The following CDYL2 variants were observed in gnomAD, a reference collection of about 807,000 sequenced individuals.
The protein encoded by CDYL2 is chromodomain Y-like protein 2.
In CDYL2, 23 loss-of-function variants were observed where a neutral mutation model predicts 49.4. The observed-to-expected ratio is 0.47, with a 90% confidence interval of 0.34 to 0.66. The LOEUF (loss-of-function observed/expected upper bound fraction) is 0.66, where lower values mean the gene tolerates loss of function less well. Among genes scored for constraint, CDYL2 ranks in the 30% least tolerant of loss-of-function variants. CDYL2 has a pLI of 0.01. For synonymous variants in CDYL2, 360 were observed against 268.8 expected, an observed-to-expected ratio of 1.34 and a Z score of -3.32; for missense variants, 678 against 656.4, an observed-to-expected ratio of 1.03 and a Z score of -0.36.
intron 2 of CDYL2, among the ~76,000 whole-genome samples, chr16:80,661,007 C>T (rs1909020872): frequency 6.6e-6 from 1 of 152,056 alleles, no homozygotes; most frequent in African/African-American, 2.4e-5. Context: ...GGGGTGAGGC[C>T]ACAGAGCCTG....
intron 2 of CDYL2, among the ~76,000 whole-genome samples, chr16:80,662,407 G>C (rs1293509538): frequency 6.6e-6 from 1 of 152,150 alleles, no homozygotes; most frequent in Non-Finnish European, 1.5e-5. Flanking sequence ...CCTACTTTTT[G>C]ATGGAGCTCC....
chr16:80,632,730 G>A, intron 3 of CDYL2: 1 of 375,112 alleles, frequency 2.7e-6, no homozygotes, highest in Non-Finnish European at 5.0e-6. Context: ...GTGATGTTTG[G>A]ATTCTGGGTC....
intron 1 of CDYL2, among the ~76,000 whole-genome samples, chr16:80,772,570 A>G (rs1025503083): frequency 3.3e-5 from 5 of 152,138 alleles, no homozygotes; most frequent in Non-Finnish European, 7.4e-5. Context: ...CTCCTGCCTC[A>G]GCCTCCCAAG....
chr16:80,732,654 T>C (rs1280521261), intron 1 of CDYL2, among the ~76,000 whole-genome samples: 1 of 152,134 alleles, frequency 6.6e-6, no homozygotes, highest in African/African-American at 2.4e-5. Context: ...GAATACAATT[T>C]TAAAATACCT....
chr16:80,705,637 A>G (rs1318373245), intron 1 of CDYL2, among the ~76,000 whole-genome samples: 1 of 152,294 alleles, frequency 6.6e-6, no homozygotes, highest in Non-Finnish European at 1.5e-5. Flanking sequence ...GCATTATTAT[A>G]AACCAATGGT....
intron 1 of CDYL2, among the ~76,000 whole-genome samples, chr16:80,710,285 G>A (rs1266907937): frequency 6.6e-6 from 1 of 152,126 alleles, no homozygotes; most frequent in Non-Finnish European, 1.5e-5. Flanking sequence ...ACTGCTAAAT[G>A]TTCTTCCATG....
At chr16:80,606,073 G>A (rs1177565808) in intron 6 of CDYL2, among the ~76,000 whole-genome samples, 1 of 152,204 alleles carries the variant, frequency 6.6e-6, no homozygotes, top group Non-Finnish European at 1.5e-5. Flanking sequence ...CTCCTGAAAT[G>A]CCCTCAAACA....
At chr16:80,706,845 T>C (rs559308341) in intron 1 of CDYL2, among the ~76,000 whole-genome samples, 3 of 152,196 alleles carry the variant, frequency 2.0e-5, no homozygotes, top group Non-Finnish European at 4.4e-5. Context: ...GCCGGTCTCA[T>C]TCATGAGAAC....
intron 3 of CDYL2, among the ~76,000 whole-genome samples, chr16:80,629,336 G>A (rs1010471505): frequency 1.3e-5 from 2 of 152,188 alleles, no homozygotes; most frequent in African/African-American, 4.8e-5. Flanking sequence ...GACTGTAATG[G>A]TTATGGTGGA....
In CDYL2 at chr16:80,620,881, G is replaced by C. The variant is rs150794698; in HGVS notation, c.889C>G (p.Leu297Val). 2.0e-4 allele frequency: 321 copies of C among 1,611,554 alleles called. No homozygotes were observed. The highest frequency in any genetic ancestry group is 1.9e-4 in the Non-Finnish European group (229 of 1,178,230). The change falls in exon 4 of 7, where the codon CTG becomes GTG. Residue 297 changes from leucine (L) to valine (V), a missense_variant. Leu to Val is a conservative substitution (Grantham distance 32). This residue lies in a region of CDYL2 where 478 missense variants were observed against 427.0 expected (regional missense o/e 1.12). Transcript: ENST00000570137. ...LCNAATDDSK[L>V]LLLSAVGSVF... ...CTCCCCACTGCGCTGAGGAGCAGCA[G>C]TTTGCTGTCGTCTGTGGCTGCGTTG...
chr16:80,693,279 G>C (rs562742881), intron 1 of CDYL2, among the ~76,000 whole-genome samples: 1 of 152,146 alleles, frequency 6.6e-6, no homozygotes, highest in East Asian at 1.9e-4. Context: ...TCATAAATAA[G>C]TTATACCTCA....
intron 1 of CDYL2, among the ~76,000 whole-genome samples, chr16:80,793,898 G>A (rs1026114391): frequency 1.3e-5 from 2 of 152,076 alleles, no homozygotes; most frequent in Admixed American, 6.5e-5. Context: ...CTGCCTTCCC[G>A]TAACAGTCTC....
chr16:80,644,887 G>T (rs2142410183), intron 2 of CDYL2, among the ~76,000 whole-genome samples: 1 of 152,274 alleles, frequency 6.6e-6, no homozygotes. Flanking sequence ...AAGAAATGGG[G>T]AAAGGATTCC....
rs966789395 is a variant in CDYL2 at position 80,794,598 on chromosome 16, ATTTTTT to A, written c.24+9546_24+9551del. On this transcript the variant is annotated intron_variant, in intron 1 of 6. Coordinates refer to ENST00000570137, the MANE Select transcript of CDYL2 (RefSeq NM_152342.4). The stretch of plus-strand genomic sequence containing the variant: ...TTTTTTAATTATTACATTCCCAGTG[ATTTTTT>A]TTTTTTTTTTTTTTTTTTTTTTTTG... 2.5e-3 allele frequency among the ~76,000 whole-genome samples: 164 copies of A among 66,850 alleles called. 2 individuals are homozygous for A. The highest frequency in any genetic ancestry group is 9.2e-3 in the African/African-American group (153 of 16,662). 43.9% of individuals were successfully genotyped at this position (66,850 alleles called of 152,430 possible). A position where few individuals can be genotyped will look rare whatever the true frequency, so the allele number is the denominator to read the frequency against.
chr16:80,659,837 G>T (rs1908969369), intron 2 of CDYL2, among the ~76,000 whole-genome samples: 1 of 151,766 alleles, frequency 6.6e-6, no homozygotes, highest in Non-Finnish European at 1.5e-5. Context: ...ACTTTTTGTA[G>T]AACTCAAAAA....
chr16:80,649,000 A>G (rs1908472863), intron 2 of CDYL2, among the ~76,000 whole-genome samples: 1 of 152,168 alleles, frequency 6.6e-6, no homozygotes. Context: ...CCTCAACATA[A>G]CAAAAGCTAC....
intron 2 of CDYL2, among the ~76,000 whole-genome samples, chr16:80,667,623 A>C (rs1257417102): frequency 6.6e-6 from 1 of 152,196 alleles, no homozygotes; most frequent in Non-Finnish European, 1.5e-5. Flanking sequence ...TCATTTTATG[A>C]GTACTGGTTA....
In CDYL2 at chr16:80,598,317, G is replaced by A. The variant is rs1034758069; in HGVS notation, c.*6071C>T. On this transcript the variant is annotated 3_prime_UTR_variant, in exon 7 of 7. Coordinates refer to ENST00000570137, the MANE Select transcript of CDYL2 (RefSeq NM_152342.4). ...CATGATCAAATCCAAACACTCCTAG[G>A]GTGGGCTGGATAAGTTTTTGGTAGC... 1 of 151,776 alleles carries A rather than the reference G, an allele frequency of 6.6e-6. No homozygotes were observed. 9.4% of individuals were successfully genotyped at this position (151,776 alleles called of 1,614,324 possible). A position where few individuals can be genotyped will look rare whatever the true frequency, so the allele number is the denominator to read the frequency against.
chr16:80,671,746 C>A (rs1298200410), intron 2 of CDYL2, among the ~76,000 whole-genome samples: 3 of 152,124 alleles, frequency 2.0e-5, no homozygotes, highest in South Asian at 4.1e-4. Context: ...ACACGTCTGG[C>A]AAGGCAATGA....
Sources: allele counts gnomAD v4.1 joint callset (sites outside exome capture counted in the v4.1 genomes callset), GRCh38; gene constraint gnomAD v4.1.1; regional missense constraint gnomAD v4.1.1; transcripts MANE v1.5; gene names NCBI Gene and HGNC (gene_info 2026-07-23, HGNC 2026-07-21).